TSHZ2: variants seen among roughly 807,000 people sequenced by gnomAD.
The protein encoded by TSHZ2 is teashirt homolog 2.
A neutral mutation model predicts 74.4 loss-of-function variants in TSHZ2; 21 were observed. The ratio of observed to expected loss-of-function variants is 0.28; its 90% CI spans 0.20 to 0.41. The LOEUF (loss-of-function observed/expected upper bound fraction) is 0.41, where lower values mean the gene tolerates loss of function less well. TSHZ2 is among the 10% of genes least tolerant of loss of function. TSHZ2 has a pLI of 1.00. For missense variants in TSHZ2, 1,244 were observed against 1,293.5 expected (o/e 0.96, Z 0.59); for synonymous variants, 540 against 515.3 (o/e 1.05, Z -0.65).
intron 1 of TSHZ2, among the ~76,000 whole-genome samples, chr20:53,104,561 T>C (rs181150423): frequency 6.6e-6 from 1 of 152,226 alleles, no homozygotes; most frequent in Admixed American, 6.5e-5. Flanking sequence ...ATGTTAATGA[T>C]GTGACAGATC....
In TSHZ2 at chr20:53,292,636, G is replaced by C. The variant is rs1488571255; in HGVS notation, c.*8+36065G>C. Among the ~76,000 whole-genome samples, 6 of 152,008 alleles carry C rather than the reference G, an allele frequency of 3.9e-5. No individual in the cohort carries two copies. The South Asian group carries it at 6.2e-4, about 16-fold the overall frequency. ...ATTTTTTTTAATATTTTTTTGTAGA[G>C]ATGGGGTCTCACTATGTTGCCCAGT... On this transcript the variant is annotated intron_variant, in intron 2 of 2. Coordinates refer to ENST00000371497, the MANE Select transcript of TSHZ2 (RefSeq NM_173485.6).
At chr20:53,024,735 C>T (rs893123981) in intron 1 of TSHZ2, among the ~76,000 whole-genome samples, 1 of 152,084 alleles carries the variant, frequency 6.6e-6, no homozygotes, top group Non-Finnish European at 1.5e-5. Context: ...TTATGAGGAA[C>T]AACATGCAGT....
chr20:53,024,915 G>A (rs1024679627), intron 1 of TSHZ2, among the ~76,000 whole-genome samples: 2 of 152,054 alleles, frequency 1.3e-5, no homozygotes, highest in Non-Finnish European at 2.9e-5. Context: ...ATTTGGGTTG[G>A]TTCCAAGTCT....
intron 2 of TSHZ2, among the ~76,000 whole-genome samples, chr20:53,260,542 G>A (rs986119451): frequency 6.6e-6 from 1 of 152,182 alleles, no homozygotes; most frequent in Non-Finnish European, 1.5e-5. Flanking sequence ...ACAGGAGGTG[G>A]CTCTGCCTGG....
intron 1 of TSHZ2, among the ~76,000 whole-genome samples, chr20:52,975,883 A>T (rs1981317022): frequency 6.6e-6 from 1 of 152,184 alleles, no homozygotes; most frequent in Admixed American, 6.5e-5. Context: ...GGGTTCTAAG[A>T]TTATGGCCAT....
intron 1 of TSHZ2, among the ~76,000 whole-genome samples, chr20:53,186,342 A>G (rs1002034259): frequency 6.6e-6 from 1 of 152,244 alleles, no homozygotes; most frequent in Non-Finnish European, 1.5e-5. Flanking sequence ...CGGTGTTCAA[A>G]CCTGGCTGAA....
At chr20:52,983,877 C>G (rs1600629376) in intron 1 of TSHZ2, among the ~76,000 whole-genome samples, 1 of 152,192 alleles carries the variant, frequency 6.6e-6, no homozygotes, top group Non-Finnish European at 1.5e-5. Context: ...GTGCTCCGAG[C>G]CCCCCAGGAC....
intron 1 of TSHZ2, among the ~76,000 whole-genome samples, chr20:53,135,750 G>A (rs1987230851): frequency 6.6e-6 from 1 of 151,900 alleles, no homozygotes; most frequent in Admixed American, 6.6e-5. Context: ...CTACAGGTGT[G>A]CACCACCATG....
chr20:53,009,002 TCTCTCTCTCTCTCTCTCTCTC>T (rs1982752609), intron 1 of TSHZ2, among the ~76,000 whole-genome samples: 1 of 121,900 alleles, frequency 8.2e-6, no homozygotes, highest in African/African-American at 3.8e-5. Flanking sequence ...TCTCTCTCTC[TCTCTCTCTCTCTCTCTCTCTC>T]TCTCTCTCAA....
At chr20:53,306,255 C>G (rs1479139542) in intron 2 of TSHZ2, among the ~76,000 whole-genome samples, 1 of 152,172 alleles carries the variant, frequency 6.6e-6, no homozygotes, top group African/African-American at 2.4e-5. Flanking sequence ...GCCAAAAAAG[C>G]AAACACTTTC....
chr20:53,101,525 A>G (rs146707306), intron 1 of TSHZ2, among the ~76,000 whole-genome samples: 60 of 152,378 alleles, frequency 3.9e-4, no homozygotes, highest in Middle Eastern at 3.4e-3. Flanking sequence ...AATAAATACA[A>G]TGAAGGCATC....
chr20:53,111,971 T>C (rs1038437789), intron 1 of TSHZ2, among the ~76,000 whole-genome samples: 41 of 152,268 alleles, frequency 2.7e-4, no homozygotes, highest in Middle Eastern at 3.4e-3. Context: ...TGCCCCATCC[T>C]GAGATGCTGA....
At chr20:53,330,920 C>T (rs1019246770) in intron 2 of TSHZ2, among the ~76,000 whole-genome samples, 7 of 152,146 alleles carry the variant, frequency 4.6e-5, no homozygotes, top group African/African-American at 1.4e-4. Context: ...ATACACTTTG[C>T]GTGGGATGAA....
chr20:53,155,428 G>A (rs1297066103), intron 1 of TSHZ2, among the ~76,000 whole-genome samples: 9 of 151,878 alleles, frequency 5.9e-5, no homozygotes, highest in Non-Finnish European at 1.2e-4. Context: ...ATATATTCCC[G>A]CCTTTCCTCC....
intron 2 of TSHZ2, chr20:53,455,128 G>C (rs1985002114): frequency 6.6e-6 from 1 of 152,090 alleles, no homozygotes; most frequent in Non-Finnish European, 1.5e-5. Flanking sequence ...AATACTTGTT[G>C]TCTCAGTGGT....
intron 2 of TSHZ2, among the ~76,000 whole-genome samples, chr20:53,475,842 A>G (rs1985976895): frequency 7.3e-6 from 1 of 136,224 alleles, no homozygotes; most frequent in South Asian, 2.5e-4. Flanking sequence ...CACCGATCCC[A>G]CAGAAATACA....
In TSHZ2 at chr20:53,152,032, A is replaced by C. The variant is rs948606275; in HGVS notation, c.41-101467A>C. Among the ~76,000 whole-genome samples the C allele has an allele frequency of 2.6e-5, 4 of 152,184 alleles. No homozygotes were observed. The East Asian group carries it at 7.7e-4, about 29-fold the overall frequency. On this transcript the variant is annotated intron_variant, in intron 1 of 2. Transcript: ENST00000371497. ...GCAAGGTTGCTGTAAAATGGGAAGC[A>C]TCATCTGGTCCAAGGTTGACAAACT...
chr20:53,162,072 C>G (rs1019159342), intron 1 of TSHZ2, among the ~76,000 whole-genome samples: 3 of 152,136 alleles, frequency 2.0e-5, no homozygotes, highest in African/African-American at 7.2e-5. Flanking sequence ...GTTCCTGGCT[C>G]AAAATACTCA....
chr20:52,985,822 C>A lies in TSHZ2; in HGVS notation c.40+12489C>A, dbSNP rs1055243379. ...AGAGCACTGACTCAAACCATCGTCT[C>A]CAATTATGCAGTTTTAATGAGGAAG... On this transcript the variant is annotated intron_variant, in intron 1 of 2. Coordinates refer to ENST00000371497, the MANE Select transcript of TSHZ2 (RefSeq NM_173485.6). Among the ~76,000 whole-genome samples, 3 of 152,242 alleles carry A rather than the reference C, an allele frequency of 2.0e-5. No homozygotes were observed. The South Asian group carries it at 6.2e-4, about 32-fold the overall frequency.
Sources: allele counts gnomAD v4.1 joint callset (sites outside exome capture counted in the v4.1 genomes callset), GRCh38; gene constraint gnomAD v4.1.1; transcripts MANE v1.5; gene names NCBI Gene and HGNC (gene_info 2026-07-23, HGNC 2026-07-21).